DENND1A: variants seen among roughly 807,000 people sequenced by gnomAD.
DENND1A encodes DENN domain containing 1A, also known as DENN domain-containing protein 1A.
In DENND1A, 51 loss-of-function variants were observed where a neutral mutation model predicts 113.7. The observed-to-expected ratio is 0.45, with a 90% CI of 0.36 to 0.57. DENND1A has a LOEUF of 0.57. Among genes scored for constraint, DENND1A ranks in the 20% least tolerant of loss-of-function variants. The pLI, the probability that DENND1A is intolerant of heterozygous loss-of-function variation, is 0.00. For missense variants in DENND1A, 1,258 were observed against 1,395.9 expected (o/e 0.90, Z 1.57); for synonymous variants, 565 against 570.8 (o/e 0.99, Z 0.14).
At chr9:123,610,590 A>T (rs1321335646) in intron 10 of DENND1A, among the ~76,000 whole-genome samples, 1 of 152,198 alleles carries the variant, frequency 6.6e-6, no homozygotes, top group Non-Finnish European at 1.5e-5. Context: ...GAAGGGTGTG[A>T]TTGGCAACTT....
chr9:123,839,500 T>A (rs1021095401), intron 2 of DENND1A, among the ~76,000 whole-genome samples: 1 of 152,158 alleles, frequency 6.6e-6, no homozygotes, highest in Non-Finnish European at 1.5e-5. Context: ...AGATGGGGCA[T>A]TCTCATAATT....
At chr9:123,853,499 A>G (rs143700046) in intron 2 of DENND1A, among the ~76,000 whole-genome samples, 3,027 of 151,852 alleles carry the variant, frequency 0.02, 43 homozygotes, top group Non-Finnish European at 0.029. Flanking sequence ...CCCCATCTCT[A>G]CTAAAAATAC....
chr9:123,865,952 G>C lies in DENND1A; in HGVS notation c.88+12999C>G, dbSNP rs138717255. ...AACCAAAATACTAGAAAGAGGAAAT[G>C]AATGTTCCACTTAGCACTTAGCTGA... On this transcript the variant is annotated intron_variant, in intron 2 of 23. Coordinates refer to ENST00000394215, the MANE Select transcript of DENND1A (RefSeq NM_001352964.2). Among the ~76,000 whole-genome samples the C allele has an allele frequency of 4.9e-3, 747 of 152,308 alleles. 3 individuals carry two copies. The highest frequency in any genetic ancestry group is 0.018 in the African/African-American group (730 of 41,554).
intron 5 of DENND1A, among the ~76,000 whole-genome samples, chr9:123,728,532 C>T (rs1457718278): frequency 7.5e-6 from 1 of 133,800 alleles, no homozygotes. Flanking sequence ...CATCTTTACC[C>T]AAGTCATTTT....
intron 5 of DENND1A, among the ~76,000 whole-genome samples, chr9:123,689,736 A>G (rs533721784): frequency 6.6e-6 from 1 of 152,102 alleles, no homozygotes; most frequent in Non-Finnish European, 1.5e-5. Flanking sequence ...TTCAGAAGCC[A>G]AGGCGGGTGG....
chr9:123,742,221 G>GT (rs1031105229), intron 5 of DENND1A, among the ~76,000 whole-genome samples: 1 of 148,058 alleles, frequency 6.8e-6, no homozygotes, highest in Admixed American at 6.8e-5. Context: ...GGCGTCCTCT[G>GT]TTTCCAAAGC....
chr9:123,795,251 A>T (rs1023837061), intron 2 of DENND1A, among the ~76,000 whole-genome samples: 25 of 152,244 alleles, frequency 1.6e-4, no homozygotes, highest in African/African-American at 5.5e-4. Context: ...TAGTTCATAA[A>T]ACTACGAAAG....
intron 13 of DENND1A, among the ~76,000 whole-genome samples, chr9:123,549,373 T>C (rs2056903329): frequency 6.6e-6 from 1 of 152,120 alleles, no homozygotes. Flanking sequence ...CTTATGTGTG[T>C]TCTGGGAATC....
intron 10 of DENND1A, among the ~76,000 whole-genome samples, chr9:123,629,882 C>T (rs1250337716): frequency 1.3e-5 from 2 of 152,216 alleles, no homozygotes; most frequent in African/African-American, 4.8e-5. Context: ...AACAAACACG[C>T]AACCTTTTGG....
At chr9:123,753,462 T>G (rs1017854449) in intron 5 of DENND1A, among the ~76,000 whole-genome samples, 4 of 152,250 alleles carry the variant, frequency 2.6e-5, no homozygotes, top group Admixed American at 1.3e-4. Context: ...TCACTCAATA[T>G]TGAACCTCCA....
intron 1 of DENND1A, among the ~76,000 whole-genome samples, chr9:123,894,810 C>T (rs992308341): frequency 3.3e-5 from 5 of 152,134 alleles, no homozygotes; most frequent in African/African-American, 1.2e-4. Context: ...TAAGTCTGTA[C>T]TTTAAAATAT....
intron 13 of DENND1A, chr9:123,485,656 G>GCGCACACACACACACA (rs765633751): frequency 7.1e-5 from 10 of 141,152 alleles, no homozygotes; most frequent in South Asian, 2.2e-4. Flanking sequence ...GCGCGCGCGC[G>GCGCACACACACACACA]CACACACACA....
chr9:123,531,142 C>CA (rs926990086), intron 13 of DENND1A, among the ~76,000 whole-genome samples: 1 of 151,942 alleles, frequency 6.6e-6, no homozygotes, highest in Admixed American at 6.6e-5. Flanking sequence ...GTTAGACTTC[C>CA]AAAAAAATCT....
intron 12 of DENND1A, among the ~76,000 whole-genome samples, chr9:123,557,962 A>T (rs887960171): frequency 4.0e-5 from 6 of 151,852 alleles, no homozygotes; most frequent in Non-Finnish European, 8.8e-5. Context: ...ATTGCACTCC[A>T]GCCTGGGCGA....
At chr9:123,543,234 T>C (rs1252154327) in intron 13 of DENND1A, among the ~76,000 whole-genome samples, 2 of 152,242 alleles carry the variant, frequency 1.3e-5, no homozygotes, top group Admixed American at 1.3e-4. Flanking sequence ...GCTCTAGCAG[T>C]GCTTCGTAAA....
intron 1 of DENND1A, among the ~76,000 whole-genome samples, chr9:123,887,434 C>A (rs964805209): frequency 1.3e-5 from 2 of 151,856 alleles, no homozygotes; most frequent in Admixed American, 6.6e-5. Flanking sequence ...GAAGTCAGAA[C>A]CTGAGTGGGG....
chr9:123,837,055 T>A (rs1351432891), intron 2 of DENND1A, among the ~76,000 whole-genome samples: 1 of 152,212 alleles, frequency 6.6e-6, no homozygotes, highest in Non-Finnish European at 1.5e-5. Flanking sequence ...AAGGGGATAG[T>A]AATTCCATAT....
At chr9:123,667,728 T>C (rs1161570589) in intron 7 of DENND1A, among the ~76,000 whole-genome samples, 1 of 152,214 alleles carries the variant, frequency 6.6e-6, no homozygotes, top group Non-Finnish European at 1.5e-5. Flanking sequence ...GAACAAAATA[T>C]CACCAGATTC....
chr9:123,716,385 T>G (rs1467980784), intron 5 of DENND1A, among the ~76,000 whole-genome samples: 1 of 152,140 alleles, frequency 6.6e-6, no homozygotes, highest in East Asian at 1.9e-4. Context: ...TTTTCAGCAT[T>G]AGCTAAAAGA....
Sources: allele counts gnomAD v4.1 joint callset (sites outside exome capture counted in the v4.1 genomes callset), GRCh38; gene constraint gnomAD v4.1.1; transcripts MANE v1.5; gene names NCBI Gene and HGNC (gene_info 2026-07-23, HGNC 2026-07-21).